Variants in MAP3K2 observed in about 807,000 individuals in gnomAD.
MAP3K2 encodes the protein MAP/ERK kinase kinase 2.
In MAP3K2, 24 loss-of-function variants were observed where a neutral mutation model predicts 80.3. That is an observed-to-expected ratio of 0.30 (90% CI 0.22 to 0.42). The LOEUF (loss-of-function observed/expected upper bound fraction) is 0.42. MAP3K2 is among the 10% of genes least tolerant of loss of function. The pLI, the probability that MAP3K2 is intolerant of heterozygous loss-of-function variation, is 1.00. For missense variants in MAP3K2, 608 were observed against 750.1 expected (o/e 0.81, Z 2.21); for synonymous variants, 244 against 253.7 (o/e 0.96, Z 0.36).
At chr2:127,368,622 A>AAAAT (rs1171784145) in intron 1 of MAP3K2, among the ~76,000 whole-genome samples, 4 of 152,130 alleles carry the variant, frequency 2.6e-5, no homozygotes, top group South Asian at 2.1e-4. Context: ...CTCCATCTCA[A>AAAAT]AAATAAATAA....
At chr2:127,333,481 G>A (rs1686302675) in intron 5 of MAP3K2, among the ~76,000 whole-genome samples, 1 of 152,148 alleles carries the variant, frequency 6.6e-6, no homozygotes, top group African/African-American at 2.4e-5. Context: ...GGAATAACAT[G>A]CAGTATAAAT....
In MAP3K2 at chr2:127,309,432, C is replaced by T. The variant is rs545889287; in HGVS notation, c.1457-670G>A. Among the ~76,000 whole-genome samples the T allele has an allele frequency of 1.6e-4, 25 of 152,186 alleles. 1 individual carries two copies. In the Middle Eastern group the frequency reaches 0.031, roughly 186 times the overall value. On this transcript the variant is annotated intron_variant, in intron 15 of 16. Transcript: ENST00000682094. The stretch of plus-strand genomic sequence containing the variant: ...ACAGTATAGAGAGTTCCCATATACC[C>T]CCACACCCAGCTTCTCTATTACTAA...
chr2:127,316,494 C>T (rs754715676), intron 14 of MAP3K2, among the ~76,000 whole-genome samples: 1 of 152,132 alleles, frequency 6.6e-6, no homozygotes, highest in African/African-American at 2.4e-5. Flanking sequence ...TCACAAATCA[C>T]ATTTTATAAC....
chr2:127,308,303 T>C (rs1213495110), intron 16 of MAP3K2, among the ~76,000 whole-genome samples: 1 of 152,212 alleles, frequency 6.6e-6, no homozygotes, highest in Non-Finnish European at 1.5e-5. Context: ...ACAAACAAAG[T>C]AACTATTTAT....
chr2:127,305,151 T>C lies in MAP3K2; in HGVS notation c.*2428A>G, dbSNP rs1685671862. ...CTCTCTAAAGAGCATTTGTCTCATA[T>C]TGTGCACTGCTGGTTACCCTGACAG... On this transcript the variant is annotated 3_prime_UTR_variant, in exon 17 of 17. Coordinates refer to ENST00000682094, the MANE Select transcript of MAP3K2 (RefSeq NM_001371910.2). 6.6e-6 allele frequency: 1 copy of C among 152,478 alleles called. No individual in the cohort carries two copies. Among genetic ancestry groups the C allele is most frequent in the Non-Finnish European group, 1.5e-5 (1 of 67,980 alleles). 9.4% of individuals were successfully genotyped at this position (152,478 alleles called of 1,614,324 possible).
At position 127,310,495 on chromosome 2, in the gene MAP3K2, C is replaced by CA. The variant is rs1685789548; in HGVS notation, c.1457-1734dup. Among the ~76,000 whole-genome samples the CA allele has an allele frequency of 6.6e-6, 1 of 151,976 alleles. No individual in the cohort carries two copies. The highest frequency in any genetic ancestry group is 2.4e-5 in the African/African-American group (1 of 41,404). On this transcript the variant is annotated intron_variant, in intron 15 of 16. Coordinates refer to ENST00000682094, the MANE Select transcript of MAP3K2 (RefSeq NM_001371910.2). The surrounding 1 kb of genome is among the most constrained non-coding windows in gnomAD (Gnocchi z 4.8). ...GAGACACCATCTCTACAAAAAAATA[C>CA]AAAAAAATTAGCTGGGCATGGTAGC...
intron 3 of MAP3K2, among the ~76,000 whole-genome samples, 181 bp from the exon 4 acceptor site, chr2:127,337,959 T>A (rs192792518): frequency 2.0e-5 from 3 of 152,202 alleles, no homozygotes; most frequent in Non-Finnish European, 4.4e-5. Flanking sequence ...TGCTAAAAAG[T>A]TGAGAATTAT....
rs559245037 is a variant in MAP3K2 at position 127,303,603 on chromosome 2, T to C, written c.*3976A>G. The C allele has an allele frequency of 6.6e-6, 1 of 152,302 alleles. No homozygotes were observed. Among genetic ancestry groups the C allele is most frequent in the African/African-American group, 2.4e-5 (1 of 41,564 alleles). The allele number at this position is 152,302 out of a possible 1,614,324, so 9.4% of individuals were successfully genotyped here. A position where few individuals can be genotyped will look rare whatever the true frequency, so the allele number is the denominator to read the frequency against. ...AACATCATTGCTGAACTTTCAGAGT[T>C]AGCGTATGCCATAAAATAAGTAACT... On this transcript the variant is annotated 3_prime_UTR_variant, in exon 17 of 17. Coordinates refer to ENST00000682094, the MANE Select transcript of MAP3K2 (RefSeq NM_001371910.2).
Position 127,299,214 on chromosome 2 carries a change from T to C in MAP3K2, c.*8365A>G, listed in dbSNP as rs1176628128. 1.3e-5 allele frequency: 2 copies of C among 152,204 alleles called. No homozygotes were observed. Among genetic ancestry groups the C allele is most frequent in the Non-Finnish European group, 1.5e-5 (1 of 68,022 alleles). The allele number at this position is 152,204 out of a possible 1,614,324, so 9.4% of individuals were successfully genotyped here. ...ACGAGTAATTTTACATGGTACCGCA[T>C]ATTTAAAACAAAGTTTTCTTTAATA... On this transcript the variant is annotated 3_prime_UTR_variant, in exon 17 of 17. Transcript: ENST00000682094.
chr2:127,387,914 C>T lies in MAP3K2; in HGVS notation c.-528G>A. 1.0e-6 allele frequency: 1 copy of T among 982,146 alleles called. No homozygotes were observed. Among genetic ancestry groups the T allele is most frequent in the Non-Finnish European group, 1.2e-6 (1 of 827,228 alleles). 60.8% of individuals were successfully genotyped at this position (982,146 alleles called of 1,614,324 possible). A position where few individuals can be genotyped will look rare whatever the true frequency, so the allele number is the denominator to read the frequency against. On this transcript the variant is annotated 5_prime_UTR_variant, in exon 1 of 17. Coordinates refer to ENST00000682094, the MANE Select transcript of MAP3K2 (RefSeq NM_001371910.2). ...ACGCTGCGCCCAGCGGCCGCGGCAC[C>T]CTCGTCAGGCGCCGCCGCTGAGGGC... is the stretch of plus-strand genomic sequence containing the variant.
In MAP3K2 at chr2:127,308,745, C is replaced by A; in HGVS notation, c.1474G>T (p.Asp492Tyr). The change falls in exon 16 of 17, where the codon GAT becomes TAT. Residue 492 changes from aspartate to tyrosine, a missense_variant. Asp to Tyr is a radical substitution (Grantham distance 160). This residue lies in a region of MAP3K2 where 88 missense variants were observed against 132.4 expected (regional missense o/e 0.66). Coordinates refer to ENST00000682094, the MANE Select transcript of MAP3K2 (RefSeq NM_001371910.2). ...RDIKGANILRDSTGNVKLGDF... is the reference protein window; with the variant it reads ...RDIKGANILRYSTGNVKLGDF... ...CCTAGTTTGACGTTGCCTGTTGAAT[C>A]TCGCAGGATATTTGCGCCTAAAAAT... 1 of 1,613,570 alleles carries A rather than the reference C, an allele frequency of 6.2e-7. No individual in the cohort carries two copies. The highest frequency in any genetic ancestry group is 8.5e-7 in the Non-Finnish European group (1 of 1,179,620).
At chr2:127,325,895 C>A in intron 8 of MAP3K2, 88 bp from the exon 9 acceptor site, 1 of 819,972 alleles carries the variant, frequency 1.2e-6, no homozygotes, top group Non-Finnish European at 2.1e-6. Flanking sequence ...AGACATACTT[C>A]ATGTAACATA....
chr2:127,323,339 GA>G (rs1456357562), intron 11 of MAP3K2, among the ~76,000 whole-genome samples: 2 of 148,866 alleles, frequency 1.3e-5, no homozygotes, highest in African/African-American at 5.0e-5. Context: ...CTGGGTGACA[GA>G]ACAGAGTGAG....
At chr2:127,308,399 G>A (rs1183799119) in intron 16 of MAP3K2, among the ~76,000 whole-genome samples, 186 bp downstream of exon 16, 3 of 152,176 alleles carry the variant, frequency 2.0e-5, no homozygotes, top group Admixed American at 6.5e-5. Context: ...CAGGTTCAAG[G>A]ATTCTAACTA....
At chr2:127,378,072 G>T in intron 1 of MAP3K2, 1 of 451,050 alleles carries the variant, frequency 2.2e-6, no homozygotes. Context: ...CTACTGATGT[G>T]GCTACAGAGA....
At chr2:127,347,248 G>A (rs1292683826) in intron 1 of MAP3K2, among the ~76,000 whole-genome samples, 1 of 151,848 alleles carries the variant, frequency 6.6e-6, no homozygotes, top group Non-Finnish European at 1.5e-5. Context: ...CAGAAGACGA[G>A]GCAAGAAAAT....
At chr2:127,379,065 A>C (rs1161017769) in intron 1 of MAP3K2, among the ~76,000 whole-genome samples, 1 of 124,988 alleles carries the variant, frequency 8.0e-6, no homozygotes, top group Non-Finnish European at 1.6e-5. Flanking sequence ...CCAGCGACCC[A>C]CCCACCTTGG....
chr2:127,333,308 CTT>C (rs1172669879), intron 5 of MAP3K2, among the ~76,000 whole-genome samples: 1 of 149,888 alleles, frequency 6.7e-6, no homozygotes, highest in Non-Finnish European at 1.5e-5. Flanking sequence ...ACACACACCC[CTT>C]ATTAAAGAGA....
intron 5 of MAP3K2, among the ~76,000 whole-genome samples, chr2:127,335,592 A>C (rs1376481462): frequency 6.6e-6 from 1 of 152,230 alleles, no homozygotes; most frequent in Non-Finnish European, 1.5e-5. Flanking sequence ...TACACAGAAT[A>C]AAAACAAAAC....
Sources: allele counts gnomAD v4.1 joint callset (sites outside exome capture counted in the v4.1 genomes callset), GRCh38; gene constraint gnomAD v4.1.1; regional missense constraint gnomAD v4.1.1; non-coding constraint Gnocchi (gnomAD v3.1); transcripts MANE v1.5; gene names NCBI Gene and HGNC (gene_info 2026-07-23, HGNC 2026-07-21).